ARHGAP15: variants seen among roughly 807,000 people sequenced by gnomAD.
ARHGAP15 encodes Rho GTPase activating protein 15, also known as rho GTPase-activating protein 15.
Under a neutral mutation model 63.7 loss-of-function variants are expected in ARHGAP15, and 51 were observed. The ratio of observed to expected loss-of-function variants is 0.80; its 90% CI spans 0.64 to 1.01. The LOEUF (loss-of-function observed/expected upper bound fraction) is 1.01, where lower values mean the gene tolerates loss of function less well. Among genes scored for constraint, ARHGAP15 ranks in the 50% least tolerant of loss-of-function variants. ARHGAP15 has a pLI of 0.00. For missense variants in ARHGAP15, 560 were observed against 564.6 expected, an observed-to-expected ratio of 0.99 and a Z score of 0.08; for synonymous variants, 191 against 193.8, an observed-to-expected ratio of 0.99 and a Z score of 0.12.
intron 6 of ARHGAP15, among the ~76,000 whole-genome samples, chr2:143,253,981 G>T (rs1680295341): frequency 6.6e-6 from 1 of 152,088 alleles, no homozygotes; most frequent in Non-Finnish European, 1.5e-5. Context: ...ACTGTCACAA[G>T]TTTGATGTAG....
At chr2:143,628,646 TCTTTG>T (rs1393007566) in intron 12 of ARHGAP15, among the ~76,000 whole-genome samples, 1 of 152,144 alleles carries the variant, frequency 6.6e-6, no homozygotes, top group Non-Finnish European at 1.5e-5. Flanking sequence ...GACTCTCCTT[TCTTTG>T]CTTTTCCAGC....
chr2:143,413,966 T>TGTGTGTGCGCGCGCGCGTGC lies in ARHGAP15; in HGVS notation c.475-21634_475-21633insTGTGTGCGCGCGCGCGTGCG. 8.9e-4 allele frequency among the ~76,000 whole-genome samples: 105 copies of TGTGTGTGCGCGCGCGCGTGC among 117,920 alleles called. 1 individual carries two copies. Among genetic ancestry groups the TGTGTGTGCGCGCGCGCGTGC allele is most frequent in the African/African-American group, 3.4e-3 (95 of 28,242 alleles). The allele number at this position is 117,920 out of a possible 152,430, so 77.4% of individuals were successfully genotyped here. A position where few individuals can be genotyped will look rare whatever the true frequency, so the allele number is the denominator to read the frequency against. ...GTGTGTGTGTGTGTGTGTGTGTGTG[T>TGTGTGTGCGCGCGCGCGTGC]GCGCGCTCTCTGGCAGAAAGTTAAT... On this transcript the variant is annotated intron_variant, in intron 6 of 13. Transcript: ENST00000295095.
At chr2:143,302,766 C>T (rs893570995) in intron 6 of ARHGAP15, among the ~76,000 whole-genome samples, 1 of 151,942 alleles carries the variant, frequency 6.6e-6, no homozygotes, top group South Asian at 2.1e-4. Flanking sequence ...CAAAATGATC[C>T]CTTTATCAAA....
intron 6 of ARHGAP15, among the ~76,000 whole-genome samples, chr2:143,314,788 A>T (rs1215887320): frequency 7.0e-6 from 1 of 142,616 alleles, no homozygotes; most frequent in African/African-American, 3.1e-5. Flanking sequence ...TTTGGCAATT[A>T]TATTCAATGT....
At chr2:143,474,836 A>T (rs540608373) in intron 8 of ARHGAP15, among the ~76,000 whole-genome samples, 1 of 152,216 alleles carries the variant, frequency 6.6e-6, no homozygotes, top group African/African-American at 2.4e-5. Flanking sequence ...TCAACAACAG[A>T]AAAAAGCTTG....
intron 11 of ARHGAP15, chr2:143,572,026 T>C (rs1696477862): frequency 6.6e-6 from 1 of 152,252 alleles, no homozygotes; most frequent in Non-Finnish European, 1.5e-5. Context: ...TCCCATAGCA[T>C]GTTGTCCCTG....
At chr2:143,344,673 G>C (rs1685194152) in intron 6 of ARHGAP15, among the ~76,000 whole-genome samples, 1 of 152,118 alleles carries the variant, frequency 6.6e-6, no homozygotes, top group Admixed American at 6.6e-5. Flanking sequence ...ATATTATGCA[G>C]ACCATGGCTT....
chr2:143,694,434 A>G (rs1683752782), intron 12 of ARHGAP15, among the ~76,000 whole-genome samples: 2 of 152,224 alleles, frequency 1.3e-5, no homozygotes, highest in Admixed American at 1.3e-4. Context: ...CAGTGCAGGT[A>G]ACGGCTTTAC....
rs58976215 is a variant in ARHGAP15 at position 143,379,487 on chromosome 2, A to ATGTGTGTGTGTGTG, written c.475-56082_475-56069dup. 8.5e-3 allele frequency among the ~76,000 whole-genome samples: 1,101 copies of ATGTGTGTGTGTGTG among 129,770 alleles called. 14 individuals are homozygous for ATGTGTGTGTGTGTG. The highest frequency in any genetic ancestry group is 0.013 in the Non-Finnish European group (766 of 61,134). 85.1% of individuals were successfully genotyped at this position (129,770 alleles called of 152,430 possible). The stretch of plus-strand genomic sequence containing the variant: ...AACAAGGTGGTTTTTAGGCATATAT[A>ATGTGTGTGTGTGTG]TGTGTGTGTGTGTGTGTGTGTGTGT... On this transcript the variant is annotated intron_variant, in intron 6 of 13. Coordinates refer to ENST00000295095, the MANE Select transcript of ARHGAP15 (RefSeq NM_018460.4).
chr2:143,440,462 C>G, intron 8 of ARHGAP15, among the ~76,000 whole-genome samples: 1 of 152,112 alleles, frequency 6.6e-6, no homozygotes, highest in East Asian at 1.9e-4. Context: ...CTTCCTGTGC[C>G]CTTGATGTTC....
chr2:143,215,321 G>T (rs565835319), intron 3 of ARHGAP15, among the ~76,000 whole-genome samples: 8 of 152,114 alleles, frequency 5.3e-5, no homozygotes, highest in South Asian at 2.1e-4. Context: ...GCCCAGGCTG[G>T]TGTCAAACTC....
chr2:143,338,969 TA>T (rs1272475618), intron 6 of ARHGAP15, among the ~76,000 whole-genome samples: 2 of 152,086 alleles, frequency 1.3e-5, no homozygotes, highest in Non-Finnish European at 2.9e-5. Context: ...TTCTAGATAA[TA>T]GAAAACCAAG....
At chr2:143,197,498 A>G (rs958800163) in intron 2 of ARHGAP15, among the ~76,000 whole-genome samples, 2 of 151,992 alleles carry the variant, frequency 1.3e-5, no homozygotes, top group African/African-American at 4.8e-5. Flanking sequence ...AGTTTTCTTT[A>G]TAATTATTAT....
At chr2:143,516,500 T>C (rs1693826083) in intron 9 of ARHGAP15, among the ~76,000 whole-genome samples, 2 of 151,172 alleles carry the variant, frequency 1.3e-5, no homozygotes. Context: ...ACACCTGCTA[T>C]ATTCTTTTTT....
intron 9 of ARHGAP15, 104 bp from the exon 10 acceptor site, chr2:143,519,162 T>C (rs1432914681): frequency 7.2e-6 from 6 of 836,030 alleles, no homozygotes; most frequent in Admixed American, 6.7e-5. Context: ...AAAAATCTTA[T>C]GCAAGATGAA....
intron 6 of ARHGAP15, among the ~76,000 whole-genome samples, chr2:143,309,301 C>A (rs1178493866): frequency 6.6e-6 from 1 of 152,012 alleles, no homozygotes; most frequent in African/African-American, 2.4e-5. Flanking sequence ...ATACAGATAC[C>A]ATTTGCAGCT....
intron 8 of ARHGAP15, among the ~76,000 whole-genome samples, chr2:143,445,020 A>G (rs1690065134): frequency 6.6e-6 from 1 of 152,100 alleles, no homozygotes; most frequent in African/African-American, 2.4e-5. Flanking sequence ...CCCTATTTGT[A>G]TACAAAATTA....
At position 143,730,915 on chromosome 2, in the gene ARHGAP15, A is replaced by G. The variant is rs1287372908; in HGVS notation, c.1244+27391A>G. 9.8e-5 allele frequency among the ~76,000 whole-genome samples: 13 copies of G among 132,636 alleles called. No homozygotes were observed. The South Asian group carries it at 9.8e-4, about 10-fold the overall frequency. 87.0% of individuals were successfully genotyped at this position (132,636 alleles called of 152,430 possible). ...TTTAAAAAAAAAAAAAAAAAAAAAA[A>G]AAAGGGAAAAAGGCTTTTTTTTTTT... On this transcript the variant is annotated intron_variant, in intron 13 of 13. Transcript: ENST00000295095.
chr2:143,689,456 G>C (rs1372813228), intron 12 of ARHGAP15, among the ~76,000 whole-genome samples: 1 of 152,038 alleles, frequency 6.6e-6, no homozygotes, highest in African/African-American at 2.4e-5. Context: ...TTCTTTCATA[G>C]GTCAAACGTT....
Sources: allele counts gnomAD v4.1 joint callset (sites outside exome capture counted in the v4.1 genomes callset), GRCh38; gene constraint gnomAD v4.1.1; transcripts MANE v1.5; gene names NCBI Gene and HGNC (gene_info 2026-07-23, HGNC 2026-07-21).